Variants in DNAH8 observed in about 807,000 individuals in gnomAD.
DNAH8 encodes dynein axonemal heavy chain 8.
DNAH8 carries 382 observed loss-of-function variants against 562.1 expected under a neutral mutation model. The observed-to-expected ratio is 0.68, with a 90% CI of 0.63 to 0.74. The LOEUF is 0.74. Among genes scored for constraint, DNAH8 ranks in the 30% least tolerant of loss-of-function variants. The pLI, the probability that DNAH8 is intolerant of heterozygous loss-of-function variation, is 0.00. For synonymous variants in DNAH8, 1,881 were observed against 1,919.4 expected (o/e 0.98, Z 0.52); for missense variants, 5,203 against 5,620.4 (o/e 0.93, Z 2.37).
At chr6:39,018,324 G>A (rs539687749) in intron 91 of DNAH8, among the ~76,000 whole-genome samples, 3 of 152,062 alleles carry the variant, frequency 2.0e-5, no homozygotes, top group Non-Finnish European at 4.4e-5. Context: ...TCTCTCCACG[G>A]CCCTCATATC....
At chr6:38,920,330 A>G (rs1047729800) in intron 70 of DNAH8, among the ~76,000 whole-genome samples, 3 of 152,188 alleles carry the variant, frequency 2.0e-5, no homozygotes, top group Admixed American at 6.5e-5. Context: ...TCTAAATGAA[A>G]TAAAAGTTTT....
chr6:38,808,811 A>G (rs965367511), intron 24 of DNAH8, among the ~76,000 whole-genome samples: 3 of 152,184 alleles, frequency 2.0e-5, no homozygotes, highest in South Asian at 2.1e-4. Flanking sequence ...GAAGCTGGAA[A>G]CCATCATTCT....
intron 32 of DNAH8, among the ~76,000 whole-genome samples, chr6:38,837,698 GAGA>G (rs1231374293): frequency 2.0e-5 from 3 of 152,148 alleles, no homozygotes; most frequent in Non-Finnish European, 4.4e-5. Context: ...AGGCCTTCTG[GAGA>G]AGAAGAAGAA....
chr6:38,884,149 G>T, intron 56 of DNAH8, 151 bp downstream of exon 56: 1 of 421,776 alleles, frequency 2.4e-6, no homozygotes. Context: ...CTCTGTTATA[G>T]CTGAGTTTCT....
At chr6:38,804,759 A>AAGAGAGAGAGAGAGAGAG in intron 22 of DNAH8, among the ~76,000 whole-genome samples, 2 of 111,178 alleles carry the variant, frequency 1.8e-5, no homozygotes, top group African/African-American at 6.2e-5. Context: ...ACATAGCAAG[A>AAGAGAGAGAGAGAGAGAG]AGAGAGAGAG....
intron 64 of DNAH8, 110 bp from the exon 65 acceptor site, chr6:38,909,408 C>G: frequency 1.1e-6 from 1 of 937,796 alleles, no homozygotes; most frequent in South Asian, 1.6e-5. Flanking sequence ...CAAGAAGATT[C>G]ATTTTCAAAT....
At chr6:38,838,331 A>G (rs1395239449) in intron 33 of DNAH8, among the ~76,000 whole-genome samples, 2 of 152,134 alleles carry the variant, frequency 1.3e-5, no homozygotes, top group African/African-American at 2.4e-5. Flanking sequence ...AGTGTCAGTG[A>G]TTATGCAGAA....
chr6:38,843,109 T>C (rs1382216801), intron 35 of DNAH8, among the ~76,000 whole-genome samples: 1 of 152,208 alleles, frequency 6.6e-6, no homozygotes, highest in East Asian at 1.9e-4. Context: ...TGAAATACAT[T>C]ATTTGAAATA....
In DNAH8 at chr6:38,857,735, A is replaced by G. The variant is rs369198801; in HGVS notation, c.5951A>G (p.Asp1984Gly). ...CATGTGCATCAGAGAGATATTTTTG[A>G]TGACTTGGTAAGGTATCTTTTTTTT... ...TIHVHQRDIF[D>G]DLVKMHIKSP... Residue 1984 changes from aspartate to glycine, a missense_variant, in exon 42 of 93, where the codon GAT (aspartate) becomes GGT (glycine). Asp to Gly is a moderately conservative substitution (Grantham distance 94). Coordinates refer to ENST00000327475, the MANE Select transcript of DNAH8 (RefSeq NM_001206927.2). 1 of 1,601,166 alleles carries G rather than the reference A, an allele frequency of 6.2e-7. No individual in the cohort carries two copies. The highest frequency in any genetic ancestry group is 1.3e-5 in the African/African-American group (1 of 74,536).
At chr6:38,778,006 T>C (rs553960700) in intron 13 of DNAH8, among the ~76,000 whole-genome samples, 2 of 152,334 alleles carry the variant, frequency 1.3e-5, no homozygotes, top group African/African-American at 4.8e-5. Flanking sequence ...CTAGTAGCCA[T>C]TGAATAAAAG....
chr6:38,818,240 T>A (rs1282394403), intron 26 of DNAH8, among the ~76,000 whole-genome samples: 6 of 152,106 alleles, frequency 3.9e-5, no homozygotes, highest in Admixed American at 3.9e-4. Flanking sequence ...AATTTTTTTA[T>A]GTTTAGTCCA....
rs777064945 is a variant in DNAH8 at position 38,722,928 on chromosome 6, A to C, written c.119A>C (p.Glu40Ala). 6.2e-7 allele frequency: 1 copy of C among 1,612,448 alleles called. No individual in the cohort carries two copies. The highest frequency in any genetic ancestry group is 1.3e-5 in the African/African-American group (1 of 75,032). The change falls in exon 2 of 93, where the codon GAG becomes GCG. Residue 40 changes from glutamate (E) to alanine (A), a missense_variant. By Grantham distance (107) the Glu-to-Ala change is moderately radical (BLOSUM62 -1). This residue lies in a region of DNAH8 where 556 missense variants were observed against 496.9 expected (regional missense o/e 1.12). Coordinates refer to ENST00000327475, the MANE Select transcript of DNAH8 (RefSeq NM_001206927.2). ...GAGGCCCCGCGCCCTCCGACAGTGG[A>C]GGCCCCGGCAGAAGATGGTTTCTCT... is the stretch of plus-strand genomic sequence containing the variant. ...EEEAPRPPTV[E>A]APAEDGFSPS...
chr6:39,012,697 C>T (rs1300834207), intron 91 of DNAH8, 60 bp downstream of exon 91: 8 of 1,318,902 alleles, frequency 6.1e-6, no homozygotes, highest in South Asian at 2.4e-5. Context: ...ATAGTAGCAT[C>T]GTGTGATAAA....
chr6:38,786,121 A>G (rs568157749), intron 17 of DNAH8, among the ~76,000 whole-genome samples: 5 of 152,384 alleles, frequency 3.3e-5, no homozygotes, highest in African/African-American at 9.6e-5. Context: ...ATCTAAGGCT[A>G]CCCAGTAAGA....
chr6:38,916,903 C>T (rs1029047183), intron 68 of DNAH8, among the ~76,000 whole-genome samples: 2 of 152,296 alleles, frequency 1.3e-5, no homozygotes, highest in South Asian at 4.2e-4. Context: ...TGTATCCTCT[C>T]TTAATATCCA....
At chr6:38,851,265 C>T (rs192104717) in intron 38 of DNAH8, among the ~76,000 whole-genome samples, 3 of 152,228 alleles carry the variant, frequency 2.0e-5, no homozygotes, top group Admixed American at 2.0e-4. Context: ...ACGGTTTGTG[C>T]TCCCCCTGGG....
rs745822331 is a variant in DNAH8 at position 38,917,378 on chromosome 6, G to A, written c.10280G>A (p.Cys3427Tyr). Reference protein sequence around the residue: ...PVTMDPEKSCCKPSWGESLKL... With the variant: ...PVTMDPEKSCYKPSWGESLKL... ...ACTATGGATCCAGAAAAATCTTGCT[G>A]TAAGCCATCATGGGGAGAGTCATTA... Residue 3427 changes from cysteine to tyrosine, a missense_variant, in exon 69 of 93, where the codon TGT (cysteine) becomes TAT (tyrosine). This residue lies in a region of DNAH8 where 87 missense variants were observed against 144.9 expected (regional missense o/e 0.60). Transcript: ENST00000327475. 22 of 1,613,502 alleles carry A rather than the reference G, an allele frequency of 1.4e-5. No individual in the cohort carries two copies. In the East Asian group the frequency reaches 4.5e-4, roughly 33 times the overall value.
chr6:38,757,998 A>G (rs1433708445), intron 10 of DNAH8, among the ~76,000 whole-genome samples: 2 of 152,054 alleles, frequency 1.3e-5, no homozygotes, highest in Admixed American at 6.6e-5. Context: ...TGACTTGGCA[A>G]TTTTTTGCCA....
intron 63 of DNAH8, 72 bp downstream of exon 63, chr6:38,906,479 A>G (rs1431406090): frequency 1.6e-6 from 2 of 1,245,034 alleles, no homozygotes; most frequent in East Asian, 5.3e-5. Context: ...AAAAGCAGCA[A>G]CCTTTCAAAA....
Sources: allele counts gnomAD v4.1 joint callset (sites outside exome capture counted in the v4.1 genomes callset), GRCh38; gene constraint gnomAD v4.1.1; regional missense constraint gnomAD v4.1.1; transcripts MANE v1.5; gene names NCBI Gene and HGNC (gene_info 2026-07-23, HGNC 2026-07-21).